The following PCDHGA11 variants were observed in gnomAD, a reference collection of about 807,000 sequenced individuals.
PCDHGA11 encodes protocadherin gamma-A11.
Under a neutral mutation model 60.4 loss-of-function variants are expected in PCDHGA11, and 39 were observed. That is an observed-to-expected ratio of 0.65 (90% CI 0.50 to 0.84). The LOEUF (loss-of-function observed/expected upper bound fraction) is 0.84, where lower values mean the gene tolerates loss of function less well. PCDHGA11 is among the 40% of genes least tolerant of loss of function. The pLI is 0.00. For missense variants in PCDHGA11, 1,165 were observed against 1,197.7 expected, an observed-to-expected ratio of 0.97 and a Z score of 0.40; for synonymous variants, 533 against 510.3, an observed-to-expected ratio of 1.04 and a Z score of -0.60.
At chr5:141,478,711 T>G (rs1420376406) in intron 1 of PCDHGA11, 1 of 1,547,346 alleles carries the variant, frequency 6.5e-7, no homozygotes. Context: ...CTTTGTGAGA[T>G]GGTGGCCTGC....
chr5:141,434,877 C>A (rs1266355299), intron 1 of PCDHGA11, among the ~76,000 whole-genome samples: 1 of 151,612 alleles, frequency 6.6e-6, no homozygotes, highest in Non-Finnish European at 1.5e-5. Flanking sequence ...TGACAGATAC[C>A]AACAACAATC....
At chr5:141,447,675 C>T (rs1416110491) in intron 1 of PCDHGA11, among the ~76,000 whole-genome samples, 13 of 152,064 alleles carry the variant, frequency 8.5e-5, no homozygotes, top group Admixed American at 8.5e-4. Context: ...TAGAACTGTT[C>T]CATATCTTGA....
chr5:141,450,253 A>G (rs1025385837), intron 1 of PCDHGA11, among the ~76,000 whole-genome samples: 1 of 152,020 alleles, frequency 6.6e-6, no homozygotes, highest in African/African-American at 2.4e-5. Flanking sequence ...CCTGACCTCA[A>G]GTGATCTGCC....
rs2096650443 is a variant in PCDHGA11, at chr5:141,422,473, G to A, written c.1246G>A (p.Val416Ile). Residue 416 changes from valine to isoleucine, a missense_variant, in exon 1 of 4, where the codon GTC (valine) becomes ATC (isoleucine). By Grantham distance (29) the Val-to-Ile change is conservative. Transcript: ENST00000398587. Reference sequence around the variant, plus strand: ...AAGCAGAGTGCTGGACAGGGAGTTGGTCCAGAGCTACAATATAACGTTGAC... The same window carrying A: ...AAGCAGAGTGCTGGACAGGGAGTTGATCCAGAGCTACAATATAACGTTGAC... Reference protein sequence around the residue: ...ITSRVLDRELVQSYNITLTAT... With the variant: ...ITSRVLDRELIQSYNITLTAT... The A allele has an allele frequency of 4.3e-6, 7 of 1,613,740 alleles. No individual in the cohort carries two copies. Among genetic ancestry groups the A allele is most frequent in the Non-Finnish European group, 5.1e-6 (6 of 1,179,816 alleles).
intron 1 of PCDHGA11, among the ~76,000 whole-genome samples, chr5:141,453,670 G>A (rs191035462): frequency 2.5e-4 from 38 of 152,224 alleles, no homozygotes; most frequent in Middle Eastern, 6.8e-3. Context: ...TACACAAAAG[G>A]TAACACACTA....
rs1326296096 is a variant in PCDHGA11, at chr5:141,505,460, A to G, written c.2560A>G (p.Met854Val). The change falls in exon 3 of 4, where the codon ATG becomes GTG. Residue 854 changes from methionine to valine, a missense_variant. Transcript: ENST00000398587. Reference protein sequence around the residue: ...NQFDTEMLQAMILASASEAAD... With the variant: ...NQFDTEMLQAVILASASEAAD... ...GTTTGACACAGAGATGCTGCAAGCC[A>G]TGATCTTGGCGTCCGCCAGTGGTAA... 2 of 1,614,070 alleles carry G rather than the reference A, an allele frequency of 1.2e-6. No homozygotes were observed. The highest frequency in any genetic ancestry group is 1.3e-5 in the African/African-American group (1 of 74,942).
chr5:141,469,829 A>G (rs2099212486), intron 1 of PCDHGA11, among the ~76,000 whole-genome samples: 1 of 152,102 alleles, frequency 6.6e-6, no homozygotes, highest in African/African-American at 2.4e-5. Context: ...AGGTCACATA[A>G]AACTTATTCT....
rs1308015959 is a variant in PCDHGA11, at chr5:141,482,105, AT to A, written c.2434-12701del. Among the ~76,000 whole-genome samples, 417 of 143,332 alleles carry A rather than the reference AT, an allele frequency of 2.9e-3. 1 individual carries two copies. The highest frequency in any genetic ancestry group is 0.011 in the African/African-American group (394 of 37,394). 94.0% of individuals were successfully genotyped at this position (143,332 alleles called of 152,430 possible). Reference sequence around the variant, plus strand: ...ACTCCATCTCAAAAAAAAAAAAAAAATATCTAGAGATGGGAGAATCATATGG... The same window carrying A: ...ACTCCATCTCAAAAAAAAAAAAAAAAATCTAGAGATGGGAGAATCATATGG... On this transcript the variant is annotated intron_variant, in intron 1 of 3. Coordinates refer to ENST00000398587, the MANE Select transcript of PCDHGA11 (RefSeq NM_018914.3).
In PCDHGA11 at chr5:141,490,007, C is replaced by T. The variant is rs766407642; in HGVS notation, c.2434-4800C>T. On this transcript the variant is annotated intron_variant, in intron 1 of 3. Coordinates refer to ENST00000398587, the MANE Select transcript of PCDHGA11 (RefSeq NM_018914.3). The surrounding 1 kb of genome is among the most constrained non-coding windows in gnomAD (Gnocchi z 5.4). ...CGTGTGGGAATCCCAGAGAATGCACCCATTGGTACTCTGCTGCTCCGCCTC... is the reference window on the plus strand; with the variant it reads ...CGTGTGGGAATCCCAGAGAATGCACTCATTGGTACTCTGCTGCTCCGCCTC... 6.2e-7 allele frequency: 1 copy of T among 1,614,200 alleles called. No homozygotes were observed. The highest frequency in any genetic ancestry group is 8.5e-7 in the Non-Finnish European group (1 of 1,180,016).
intron 1 of PCDHGA11, 161 bp from the exon 2 acceptor site, chr5:141,494,646 T>C (rs1324048407): frequency 1.1e-6 from 1 of 935,836 alleles, no homozygotes; most frequent in East Asian, 1.2e-4. Flanking sequence ...AGACCTGAGG[T>C]GTATTTTGTC....
intron 1 of PCDHGA11, among the ~76,000 whole-genome samples, chr5:141,453,288 A>AT (rs2098760999): frequency 2.0e-5 from 3 of 151,342 alleles, no homozygotes; most frequent in African/African-American, 7.3e-5. Flanking sequence ...TAATTTTTTA[A>AT]TTATTTATTT....
chr5:141,427,975 C>T lies in PCDHGA11; in HGVS notation c.2433+4315C>T, dbSNP rs757718263. ...AATGTGCCGCGGGTGCTGTACCCCGCGCTGGGGCCCGATGGCTCCGCACTC... is the reference window on the plus strand; with the variant it reads ...AATGTGCCGCGGGTGCTGTACCCCGTGCTGGGGCCCGATGGCTCCGCACTC... On this transcript the variant is annotated intron_variant, in intron 1 of 3. Transcript: ENST00000398587. The T allele has an allele frequency of 1.9e-6, 3 of 1,594,600 alleles. No individual in the cohort carries two copies. In the South Asian group the frequency reaches 3.3e-5, roughly 18 times the overall value.
intron 1 of PCDHGA11, chr5:141,478,134 C>A (rs2099431418): frequency 6.2e-7 from 1 of 1,614,074 alleles, no homozygotes; most frequent in African/African-American, 1.3e-5. Flanking sequence ...TCTCCTGAAG[C>A]CCGAGCCGAG....
chr5:141,485,239 C>T lies in PCDHGA11; in HGVS notation c.2434-9568C>T. ...GGGCTACCCTTTTGTTCCTCTTTTA[C>T]CACCTGGGTTACGTTTGTGGGCAGA... On this transcript the variant is annotated intron_variant, in intron 1 of 3. Transcript: ENST00000398587. This position sits in a 1 kb window ranked among gnomAD's most constrained non-coding sequence, Gnocchi z 5.7. The T allele has an allele frequency of 6.2e-7, 1 of 1,614,140 alleles. No homozygotes were observed. Among genetic ancestry groups the T allele is most frequent in the South Asian group, 1.1e-5 (1 of 91,072 alleles).
rs2099643895 is a variant in PCDHGA11 at position 141,487,385 on chromosome 5, C to T, written c.2434-7422C>T. 1.9e-6 allele frequency: 3 copies of T among 1,614,160 alleles called. No homozygotes were observed. The highest frequency in any genetic ancestry group is 1.1e-5 in the South Asian group (1 of 91,086). On this transcript the variant is annotated intron_variant, in intron 1 of 3. Transcript: ENST00000398587. This position sits in a 1 kb window ranked among gnomAD's most constrained non-coding sequence, Gnocchi z 5.0. Reference sequence around the variant, plus strand: ...CACCTGTGCCTGTCTCACCAGATCTCGAAGGAGGGAGGGGCTTCCCCCTTC... The same window carrying T: ...CACCTGTGCCTGTCTCACCAGATCTTGAAGGAGGGAGGGGCTTCCCCCTTC...
chr5:141,438,625 TATATATATATACACAC>T (rs1232816129), intron 1 of PCDHGA11, among the ~76,000 whole-genome samples: 1,472 of 46,190 alleles, frequency 0.032, 16 homozygotes, highest in African/African-American at 0.13. Context: ...TATATATATA[TATATATATATACACAC>T]ACACACACAC....
At chr5:141,508,983 C>T (rs532410967) in intron 3 of PCDHGA11, among the ~76,000 whole-genome samples, 44 of 152,148 alleles carry the variant, frequency 2.9e-4, no homozygotes, top group Non-Finnish European at 4.4e-4. Flanking sequence ...GGGGTGGGGG[C>T]CAGCTGGGGT....
intron 2 of PCDHGA11, among the ~76,000 whole-genome samples, chr5:141,503,518 G>A (rs576791899): frequency 6.7e-6 from 1 of 149,524 alleles, no homozygotes; most frequent in East Asian, 2.0e-4. Flanking sequence ...AGAATCACTT[G>A]AACCTGGGAG....
chr5:141,464,483 C>G (rs192469583), intron 1 of PCDHGA11, among the ~76,000 whole-genome samples: 32 of 151,368 alleles, frequency 2.1e-4, no homozygotes, highest in African/African-American at 7.3e-4. Flanking sequence ...ATAATAAATT[C>G]CTAATAGTGT....
Sources: allele counts gnomAD v4.1 joint callset (sites outside exome capture counted in the v4.1 genomes callset), GRCh38; gene constraint gnomAD v4.1.1; non-coding constraint Gnocchi (gnomAD v3.1); transcripts MANE v1.5; gene names NCBI Gene and HGNC (gene_info 2026-07-23, HGNC 2026-07-21).